The following CUX2 variants were observed in gnomAD, a reference collection of about 807,000 sequenced individuals.
CUX2 encodes the protein cut like homeobox 2, also known as homeobox protein cut-like 2.
Under a neutral mutation model 144.8 loss-of-function variants are expected in CUX2, and 40 were observed. That is an observed-to-expected ratio of 0.28 (90% CI 0.21 to 0.36). CUX2 has a LOEUF of 0.36. CUX2 is among the 10% of genes least tolerant of loss of function. The probability of loss-of-function intolerance (pLI) is 1.00; values close to 1 mark genes in which losing one functional copy is unlikely to be tolerated. For missense variants in CUX2, 1,615 were observed against 1,994.0 expected, an observed-to-expected ratio of 0.81 and a Z score of 3.62; for synonymous variants, 827 against 875.6, an observed-to-expected ratio of 0.94 and a Z score of 0.98.
At position 111,334,576 on chromosome 12, in the gene CUX2, C is replaced by T; in HGVS notation, c.3062C>T (p.Ser1021Phe). Residue 1021 changes from serine (S) to phenylalanine (F), a missense_variant, in exon 19 of 22, where the codon TCC (serine) becomes TTC (phenylalanine). Around this residue, in one of 12 missense-constraint regions of CUX2, gnomAD observed 128 missense variants for 124.4 expected, o/e 1.03. Coordinates refer to ENST00000261726, the MANE Select transcript of CUX2 (RefSeq NM_015267.4). Reference protein sequence around the residue: ...ENQQPEGRSSSSLSGKMYSGS... With the variant: ...ENQQPEGRSSFSLSGKMYSGS... ...CAGCAGCCAGAGGGCCGCTCCAGCT[C>T]CTCGTTGAGCGGGAAGATGTACTCA... 1 of 1,614,038 alleles carries T rather than the reference C, an allele frequency of 6.2e-7. No individual in the cohort carries two copies. The highest frequency in any genetic ancestry group is 8.5e-7 in the Non-Finnish European group (1 of 1,180,018).
intron 1 of CUX2, among the ~76,000 whole-genome samples, chr12:111,076,616 AG>A (rs1828939644): frequency 6.6e-6 from 1 of 152,204 alleles, no homozygotes; most frequent in African/African-American, 2.4e-5. Flanking sequence ...CTCAGAGCAT[AG>A]ATACAACTCA....
At chr12:111,107,121 T>C (rs1873659398) in intron 1 of CUX2, among the ~76,000 whole-genome samples, 1 of 152,206 alleles carries the variant, frequency 6.6e-6, no homozygotes, top group South Asian at 2.1e-4. Flanking sequence ...TCTGTCCCCA[T>C]TTTACAGGTG....
At chr12:111,209,219 G>A (rs1311692933) in intron 1 of CUX2, among the ~76,000 whole-genome samples, 2 of 151,898 alleles carry the variant, frequency 1.3e-5, no homozygotes, top group African/African-American at 4.8e-5. Flanking sequence ...GCAACATGGC[G>A]AGACCCCCAT....
intron 3 of CUX2, among the ~76,000 whole-genome samples, chr12:111,219,703 G>A (rs1881740053): frequency 1.3e-5 from 2 of 152,188 alleles, no homozygotes; most frequent in African/African-American, 4.8e-5. Flanking sequence ...TCTGACACAC[G>A]AAGAGCTGTT....
intron 1 of CUX2, among the ~76,000 whole-genome samples, chr12:111,038,326 A>G (rs1869560744): frequency 6.6e-6 from 1 of 152,252 alleles, no homozygotes; most frequent in Admixed American, 6.5e-5. Context: ...ACAGCAGTAA[A>G]TAAGCTATCA....
At chr12:111,183,976 T>C (rs1879352768) in intron 1 of CUX2, among the ~76,000 whole-genome samples, 1 of 152,206 alleles carries the variant, frequency 6.6e-6, no homozygotes, top group South Asian at 2.1e-4. Context: ...CACCCTCTTC[T>C]GGACACACTT....
At chr12:111,155,781 T>C (rs1877333309) in intron 1 of CUX2, among the ~76,000 whole-genome samples, 1 of 152,232 alleles carries the variant, frequency 6.6e-6, no homozygotes, top group African/African-American at 2.4e-5. Context: ...CAGCATTTTG[T>C]GGTTCTACCG....
chr12:111,042,548 A>G lies in CUX2; in HGVS notation c.63+8308A>G, dbSNP rs1443452248. On this transcript the variant is annotated intron_variant, in intron 1 of 21. Transcript: ENST00000261726. ...CAGCTGTGTGACCTTGGATGAGTCA[A>G]TTAACCTTTCTGAGCCTCACTTTTC... 2.6e-5 allele frequency among the ~76,000 whole-genome samples: 4 copies of G among 152,338 alleles called. No homozygotes were observed. In the South Asian group the frequency reaches 6.2e-4, roughly 24 times the overall value.
In CUX2 at chr12:111,065,873, T is replaced by A. The variant is rs80166225; in HGVS notation, c.63+31633T>A. On this transcript the variant is annotated intron_variant, in intron 1 of 21. Coordinates refer to ENST00000261726, the MANE Select transcript of CUX2 (RefSeq NM_015267.4). ...TGGCAGTGGGACCCAGCAGTTTCTA[T>A]TTTAACAAATTGCCCAGGTGATTCT... 8.3e-4 allele frequency among the ~76,000 whole-genome samples: 127 copies of A among 152,318 alleles called. 1 individual carries two copies. Among genetic ancestry groups the A allele is most frequent in the Non-Finnish European group, 1.5e-3 (102 of 68,032 alleles).
intron 1 of CUX2, among the ~76,000 whole-genome samples, chr12:111,086,006 A>G (rs1267013498): frequency 6.6e-6 from 1 of 152,210 alleles, no homozygotes; most frequent in Admixed American, 6.5e-5. Flanking sequence ...GCTGATGGAG[A>G]AGCTAGAGGC....
chr12:111,112,668 G>A (rs1391858578), intron 1 of CUX2, among the ~76,000 whole-genome samples: 1 of 152,170 alleles, frequency 6.6e-6, no homozygotes, highest in African/African-American at 2.4e-5. Context: ...CTCTTAGGTA[G>A]CCGTACTCTG....
chr12:111,195,251 G>C (rs1161064062), intron 1 of CUX2, among the ~76,000 whole-genome samples: 16 of 151,880 alleles, frequency 1.1e-4, no homozygotes, highest in Non-Finnish European at 2.1e-4. Context: ...TCCCCTGACT[G>C]TTCCATCGCT....
intron 1 of CUX2, among the ~76,000 whole-genome samples, chr12:111,044,752 G>A (rs1270509937): frequency 6.6e-6 from 1 of 152,210 alleles, no homozygotes; most frequent in African/African-American, 2.4e-5. Context: ...GGAGGGATGA[G>A]GTAGGGGGCA....
rs775390589 is a variant in CUX2 at position 111,334,423 on chromosome 12, T to C, written c.2927-18T>C. 1.9e-6 allele frequency: 3 copies of C among 1,557,812 alleles called. No homozygotes were observed. Among genetic ancestry groups the C allele is most frequent in the Non-Finnish European group, 2.6e-6 (3 of 1,153,976 alleles). On this transcript the variant is annotated intron_variant, in intron 18 of 21. Coordinates refer to ENST00000261726, the MANE Select transcript of CUX2 (RefSeq NM_015267.4). ...GCCAGATTATAGTAACCACCTTCTC[T>C]TTCTCTGTGGCCCACAGCCAGTCCC... is the stretch of plus-strand genomic sequence containing the variant.
intron 1 of CUX2, among the ~76,000 whole-genome samples, chr12:111,090,258 G>A (rs1054675678): frequency 4.6e-5 from 7 of 152,184 alleles, no homozygotes; most frequent in South Asian, 4.1e-4. Flanking sequence ...GGGCTGGCCC[G>A]AAAGGGGCAA....
intron 1 of CUX2, among the ~76,000 whole-genome samples, chr12:111,147,425 C>T (rs1190976530): frequency 1.3e-5 from 2 of 152,248 alleles, no homozygotes; most frequent in African/African-American, 4.8e-5. Context: ...TTTGTCCCCA[C>T]TGCCCGCCAG....
At chr12:111,189,235 A>G (rs1393044301) in intron 1 of CUX2, among the ~76,000 whole-genome samples, 1 of 152,144 alleles carries the variant, frequency 6.6e-6, no homozygotes, top group Admixed American at 6.5e-5. Flanking sequence ...TTGCACCTCT[A>G]TACTCCAGCC....
At chr12:111,036,842 C>T (rs1173188305) in intron 1 of CUX2, among the ~76,000 whole-genome samples, 1 of 151,892 alleles carries the variant, frequency 6.6e-6, no homozygotes, top group African/African-American at 2.4e-5. Flanking sequence ...CTGCCGCGTT[C>T]CCCACCCCCA....
chr12:111,206,494 TC>T (rs1297566595), intron 1 of CUX2, among the ~76,000 whole-genome samples: 2 of 152,250 alleles, frequency 1.3e-5, no homozygotes, highest in Admixed American at 6.5e-5. Flanking sequence ...CTCTCTGTGT[TC>T]CTGTCATACT....
Sources: gnomAD v4.1 joint callset for allele counts (sites outside exome capture counted in the v4.1 genomes callset) on GRCh38, gnomAD v4.1.1 for gene constraint, gnomAD v4.1.1 regional missense constraint, MANE v1.5 for transcripts, NCBI Gene and HGNC (gene_info 2026-07-23, HGNC 2026-07-21) for gene names.